Variants in NEGR1 observed in about 807,000 individuals in gnomAD.
NEGR1 encodes the protein neuronal growth regulator 1.
In NEGR1, 10 loss-of-function variants were observed where a neutral mutation model predicts 40.9. The ratio of observed to expected loss-of-function variants is 0.24; its 90% CI spans 0.15 to 0.42. The LOEUF is 0.42. Among genes scored for constraint, NEGR1 ranks in the 10% least tolerant of loss-of-function variants. The pLI, the probability that NEGR1 is intolerant of heterozygous loss-of-function variation, is 1.00. For missense variants in NEGR1, 352 were observed against 438.9 expected (o/e 0.80, Z 1.77); for synonymous variants, 185 against 166.8 (o/e 1.11, Z -0.84).
intron 2 of NEGR1, among the ~76,000 whole-genome samples, chr1:71,790,372 T>C (rs1364871395): frequency 6.6e-6 from 1 of 152,106 alleles, no homozygotes; most frequent in Non-Finnish European, 1.5e-5. Context: ...GATAAAACTA[T>C]ACCGGAGGTC....
At chr1:71,996,992 C>A (rs1646510319) in intron 1 of NEGR1, among the ~76,000 whole-genome samples, 1 of 151,966 alleles carries the variant, frequency 6.6e-6, no homozygotes, top group Non-Finnish European at 1.5e-5. Context: ...ACTAAGAGAG[C>A]TATGCTCTAC....
chr1:72,229,241 G>C lies in NEGR1; in HGVS notation c.176+53078C>G, dbSNP rs571856031. ...ACATCACATTCTACTACAATGATTA[G>C]GTTGATCCTGGAATCCATATATTAC... On this transcript the variant is annotated intron_variant, in intron 1 of 6. Transcript: ENST00000357731. 2.6e-5 allele frequency among the ~76,000 whole-genome samples: 4 copies of C among 151,446 alleles called. No homozygotes were observed. In the East Asian group the frequency reaches 7.8e-4, roughly 29 times the overall value.
intron 1 of NEGR1, among the ~76,000 whole-genome samples, chr1:71,982,838 G>A (rs980803749): frequency 6.6e-6 from 1 of 152,058 alleles, no homozygotes; most frequent in Non-Finnish European, 1.5e-5. Context: ...ACTCTATTTC[G>A]AAGAGGAGAA....
At chr1:72,236,824 A>T (rs1194660089) in intron 1 of NEGR1, among the ~76,000 whole-genome samples, 3 of 151,962 alleles carry the variant, frequency 2.0e-5, no homozygotes, top group African/African-American at 7.2e-5. Flanking sequence ...ATATAAAATA[A>T]TCTATAGAGA....
intron 4 of NEGR1, among the ~76,000 whole-genome samples, chr1:71,691,722 C>A (rs1041509845): frequency 3.3e-5 from 5 of 151,762 alleles, no homozygotes; most frequent in Admixed American, 1.3e-4. Flanking sequence ...TCCGGTCCTG[C>A]TTCACTCCAC....
rs1429638606 is a variant in NEGR1, at chr1:72,174,098, AC to A, written c.176+108220del. Among the ~76,000 whole-genome samples the A allele has an allele frequency of 5.2e-4, 79 of 152,218 alleles. No homozygotes were observed. In the East Asian group the frequency reaches 0.012, roughly 23 times the overall value. ...CCAATCGTTTGTTTTTTTTAAAAAA[AC>A]TGTCAATTTTATTTATGCTTTTAAA... On this transcript the variant is annotated intron_variant, in intron 1 of 6. Transcript: ENST00000357731.
chr1:71,560,178 C>A (rs974206525), intron 6 of NEGR1, among the ~76,000 whole-genome samples: 2 of 150,996 alleles, frequency 1.3e-5, no homozygotes, highest in African/African-American at 4.9e-5. Context: ...TGACAAAGAT[C>A]CTGAGAGATA....
At chr1:71,410,701 C>T (rs1214451258) in intron 6 of NEGR1, among the ~76,000 whole-genome samples, 1 of 152,030 alleles carries the variant, frequency 6.6e-6, no homozygotes, top group Non-Finnish European at 1.5e-5. Context: ...CAACCTTATT[C>T]CCACTGACTG....
intron 6 of NEGR1, among the ~76,000 whole-genome samples, chr1:71,484,303 T>A (rs927912918): frequency 1.3e-5 from 2 of 151,642 alleles, no homozygotes; most frequent in Non-Finnish European, 3.0e-5. Flanking sequence ...CAAGACTTTT[T>A]TTTTTCATCT....
intron 6 of NEGR1, chr1:71,468,246 GTCTAAC>G (rs917490468): frequency 8.6e-5 from 13 of 151,884 alleles, no homozygotes; most frequent in Non-Finnish European, 1.9e-4. Context: ...TGTGAGCTGT[GTCTAAC>G]TCTAACTATT....
At chr1:72,199,833 C>T (rs756479528) in intron 1 of NEGR1, among the ~76,000 whole-genome samples, 1 of 151,600 alleles carries the variant, frequency 6.6e-6, no homozygotes, top group Admixed American at 6.6e-5. Flanking sequence ...TAAAACAGCA[C>T]ACAAAAAACA....
At chr1:71,828,627 G>T (rs1003484063) in intron 2 of NEGR1, among the ~76,000 whole-genome samples, 3 of 151,722 alleles carry the variant, frequency 2.0e-5, no homozygotes, top group Admixed American at 6.6e-5. Flanking sequence ...TGAGTATGTG[G>T]GTCATGTCTG....
At chr1:71,606,997 T>C (rs1296006003) in intron 5 of NEGR1, among the ~76,000 whole-genome samples, 1 of 152,204 alleles carries the variant, frequency 6.6e-6, no homozygotes, top group African/African-American at 2.4e-5. Flanking sequence ...TGATTTAAGA[T>C]AAATGAATAT....
intron 6 of NEGR1, among the ~76,000 whole-genome samples, chr1:71,573,846 G>A (rs1417665214): frequency 6.6e-6 from 1 of 152,080 alleles, no homozygotes; most frequent in Non-Finnish European, 1.5e-5. Context: ...GCCTTTTAAG[G>A]ACCCAACCAG....
intron 6 of NEGR1, among the ~76,000 whole-genome samples, chr1:71,506,583 A>G (rs970883160): frequency 6.6e-6 from 1 of 152,122 alleles, no homozygotes; most frequent in Admixed American, 6.5e-5. Context: ...ACAAAGCCAT[A>G]ATAATAGAAA....
chr1:71,473,427 A>T (rs993500210), intron 6 of NEGR1, among the ~76,000 whole-genome samples: 10 of 152,070 alleles, frequency 6.6e-5, no homozygotes, highest in Non-Finnish European at 1.0e-4. Context: ...CAACCAGTGA[A>T]CCTGTCAACC....
At chr1:71,647,471 T>C (rs182408039) in intron 4 of NEGR1, among the ~76,000 whole-genome samples, 7 of 152,006 alleles carry the variant, frequency 4.6e-5, no homozygotes, top group Admixed American at 2.6e-4. Context: ...GGTGAAGAAA[T>C]AGTCATTTGA....
chr1:71,652,559 A>G (rs1230266091), intron 4 of NEGR1, among the ~76,000 whole-genome samples: 5 of 152,224 alleles, frequency 3.3e-5, no homozygotes, highest in East Asian at 1.9e-4. Context: ...AGCCTAAAAT[A>G]TTTACTATTT....
intron 1 of NEGR1, among the ~76,000 whole-genome samples, chr1:71,968,172 G>C (rs550610493): frequency 6.6e-6 from 1 of 152,006 alleles, no homozygotes; most frequent in East Asian, 1.9e-4. Flanking sequence ...AAATCTGTAC[G>C]ATTATAAAAA....
Sources: allele counts gnomAD v4.1 joint callset (sites outside exome capture counted in the v4.1 genomes callset), GRCh38; gene constraint gnomAD v4.1.1; transcripts MANE v1.5; gene names NCBI Gene and HGNC (gene_info 2026-07-23, HGNC 2026-07-21).